The following DGKI variants were observed in gnomAD, a reference collection of about 807,000 sequenced individuals.
DGKI encodes DAG kinase iota.
A neutral mutation model predicts 147.5 loss-of-function variants in DGKI; 55 were observed. The ratio of observed to expected loss-of-function variants is 0.37; its 90% confidence interval spans 0.30 to 0.47. The LOEUF (loss-of-function observed/expected upper bound fraction) is 0.47, where lower values mean the gene tolerates loss of function less well. DGKI is among the 20% of genes least tolerant of loss of function. The pLI is 1.00. For missense variants in DGKI, 1,007 were observed against 1,323.8 expected, an observed-to-expected ratio of 0.76 and a Z score of 3.71; for synonymous variants, 469 against 477.1, an observed-to-expected ratio of 0.98 and a Z score of 0.22.
rs1387665707 is a variant in DGKI at position 137,571,103 on chromosome 7, A to G, written c.1947+72T>C. ...GATAAAGCAGGAGAAAAAGTTAACTAAAGTCCTGTGAATTGAATAAACTCT... is the reference window on the plus strand; with the variant it reads ...GATAAAGCAGGAGAAAAAGTTAACTGAAGTCCTGTGAATTGAATAAACTCT... On this transcript the variant is annotated intron_variant, in intron 19 of 32. Coordinates refer to ENST00000614521, the MANE Select transcript of DGKI (RefSeq NM_001321708.2). The G allele has an allele frequency of 2.7e-6, 3 of 1,129,886 alleles. No individual in the cohort carries two copies. In the East Asian group the frequency reaches 7.8e-5, roughly 29 times the overall value. The allele number at this position is 1,129,886 out of a possible 1,614,324, so 70.0% of individuals were successfully genotyped here. A position where few individuals can be genotyped will look rare whatever the true frequency, so the allele number is the denominator to read the frequency against.
rs537094202 is a variant in DGKI at position 137,816,786 on chromosome 7, A to G, written c.401+29676T>C. The stretch of plus-strand genomic sequence containing the variant: ...ATAGGGGGTGAGTAAGGAAGCTGCT[A>G]AAGAAGGAACTTTTGAGTTAAGACC... On this transcript the variant is annotated intron_variant, in intron 1 of 32. Coordinates refer to ENST00000614521, the MANE Select transcript of DGKI (RefSeq NM_001321708.2). Among the ~76,000 whole-genome samples, 3 of 152,350 alleles carry G rather than the reference A, an allele frequency of 2.0e-5. No individual in the cohort carries two copies. In the East Asian group the frequency reaches 5.8e-4, roughly 29 times the overall value.
intron 28 of DGKI, among the ~76,000 whole-genome samples, chr7:137,431,365 TTCA>T (rs1813065260): frequency 1.3e-5 from 2 of 152,184 alleles, no homozygotes; most frequent in African/African-American, 2.4e-5. Flanking sequence ...AAATTCCCTT[TTCA>T]ATAATCATTG....
At chr7:137,568,577 G>A (rs1219699271) in intron 19 of DGKI, among the ~76,000 whole-genome samples, 1 of 152,208 alleles carries the variant, frequency 6.6e-6, no homozygotes, top group African/African-American at 2.4e-5. Flanking sequence ...AGGTCAAGGT[G>A]AAGTGGGCAG....
chr7:137,480,227 T>A (rs1815325690), intron 23 of DGKI, among the ~76,000 whole-genome samples: 1 of 152,194 alleles, frequency 6.6e-6, no homozygotes, highest in Non-Finnish European at 1.5e-5. Context: ...ACAGCTTTAA[T>A]CTAGTCCAAA....
intron 28 of DGKI, among the ~76,000 whole-genome samples, chr7:137,416,570 TA>T (rs1215892028): frequency 1.3e-5 from 2 of 152,180 alleles, no homozygotes; most frequent in Non-Finnish European, 2.9e-5. Context: ...ATAAGGCACT[TA>T]AATTTTATTC....
intron 20 of DGKI, among the ~76,000 whole-genome samples, chr7:137,527,515 T>G (rs117780624): frequency 6.6e-6 from 1 of 152,150 alleles, no homozygotes; most frequent in Non-Finnish European, 1.5e-5. Context: ...TTTAAAGATA[T>G]TATGAATATA....
At chr7:137,761,960 A>C (rs1439869331) in intron 1 of DGKI, among the ~76,000 whole-genome samples, 1 of 152,118 alleles carries the variant, frequency 6.6e-6, no homozygotes, top group East Asian at 1.9e-4. Flanking sequence ...CCTCGTCCTC[A>C]TCCCTCATTT....
chr7:137,582,502 A>G (rs938132994), intron 14 of DGKI, among the ~76,000 whole-genome samples: 4 of 151,932 alleles, frequency 2.6e-5, no homozygotes, highest in Non-Finnish European at 5.9e-5. Context: ...AAATAGGGCA[A>G]TGTGACCCAT....
chr7:137,623,439 G>A (rs191558568), intron 7 of DGKI, 44 bp downstream of exon 7: 154 of 1,566,530 alleles, frequency 9.8e-5, no homozygotes, highest in Non-Finnish European at 1.2e-4. Context: ...AGTGTATTTC[G>A]ACAAAACATG....
At chr7:137,609,122 A>C in intron 9 of DGKI, 58 bp from the exon 10 acceptor site, 1 of 1,414,746 alleles carries the variant, frequency 7.1e-7, no homozygotes, top group Non-Finnish European at 9.9e-7. Flanking sequence ...AGGCAACCCC[A>C]AGGCAAGGGA....
intron 1 of DGKI, among the ~76,000 whole-genome samples, chr7:137,798,918 A>C (rs13243717): frequency 0.34 from 50,967 of 151,950 alleles, 8,806 homozygotes; most frequent in Middle Eastern, 0.42. Flanking sequence ...ATCTCAATAG[A>C]CATAGAAATA....
chr7:137,560,109 T>C (rs1374234639), intron 19 of DGKI, among the ~76,000 whole-genome samples: 1 of 152,054 alleles, frequency 6.6e-6, no homozygotes, highest in Admixed American at 6.5e-5. Context: ...ACATACGATG[T>C]ATCATCCACT....
chr7:137,800,045 G>C (rs1346226886), intron 1 of DGKI, among the ~76,000 whole-genome samples: 1 of 152,156 alleles, frequency 6.6e-6, no homozygotes, highest in Non-Finnish European at 1.5e-5. Context: ...AGGAGGCATG[G>C]TTGCTTTAGG....
At chr7:137,670,657 G>A (rs986525396) in intron 3 of DGKI, among the ~76,000 whole-genome samples, 1 of 152,174 alleles carries the variant, frequency 6.6e-6, no homozygotes, top group Non-Finnish European at 1.5e-5. Context: ...TGATTCATTA[G>A]ATCCTCAATA....
intron 24 of DGKI, among the ~76,000 whole-genome samples, chr7:137,469,082 C>A (rs1814777527): frequency 6.6e-6 from 1 of 152,150 alleles, no homozygotes; most frequent in East Asian, 1.9e-4. Flanking sequence ...TCATGCGGAT[C>A]TGAGCAGATT....
chr7:137,697,610 T>C (rs564265259), intron 1 of DGKI, among the ~76,000 whole-genome samples: 66 of 152,258 alleles, frequency 4.3e-4, no homozygotes, highest in African/African-American at 1.6e-3. Flanking sequence ...AACATCAGCT[T>C]TTCACAGGTT....
At position 137,656,558 on chromosome 7, in the gene DGKI, A is replaced by G; in HGVS notation, c.607-18T>C. The G allele has an allele frequency of 1.9e-6, 3 of 1,612,594 alleles. No homozygotes were observed. On this transcript the variant is annotated intron_variant, in intron 3 of 32. Coordinates refer to ENST00000614521, the MANE Select transcript of DGKI (RefSeq NM_001321708.2). ...GCTGATTTCTACAATATTCAATTCA[A>G]AAGACAAAAAAGAAATGTTAACAGT... is the stretch of plus-strand genomic sequence containing the variant.
intron 28 of DGKI, among the ~76,000 whole-genome samples, chr7:137,416,563 A>C (rs1021202832): frequency 1.6e-4 from 25 of 152,190 alleles, no homozygotes; most frequent in African/African-American, 6.0e-4. Context: ...CACCAAGATA[A>C]GGCACTTAAA....
intron 1 of DGKI, among the ~76,000 whole-genome samples, chr7:137,772,867 A>C (rs1796249125): frequency 6.6e-6 from 1 of 152,256 alleles, no homozygotes; most frequent in Admixed American, 6.5e-5. Context: ...TGATGAAGGC[A>C]TAAGTCAGTG....
Sources: gnomAD v4.1 joint callset for allele counts (sites outside exome capture counted in the v4.1 genomes callset) on GRCh38, gnomAD v4.1.1 for gene constraint, MANE v1.5 for transcripts, NCBI Gene and HGNC (gene_info 2026-07-23, HGNC 2026-07-21) for gene names.